CNTNAP3B: variants seen among roughly 807,000 people sequenced by gnomAD.
CNTNAP3B encodes the protein contactin associated protein family member 3B.
A neutral mutation model predicts 108.9 loss-of-function variants in CNTNAP3B; 25 were observed. The ratio of observed to expected loss-of-function variants is 0.23; its 90% CI spans 0.17 to 0.32. The LOEUF (loss-of-function observed/expected upper bound fraction) is 0.32, where lower values mean the gene tolerates loss of function less well. Among genes scored for constraint, CNTNAP3B ranks in the 10% least tolerant of loss-of-function variants. The pLI is 1.00. For missense variants in CNTNAP3B, 252 were observed against 1,210.4 expected, an observed-to-expected ratio of 0.21 and a Z score of 11.75; for synonymous variants, 103 against 473.4, an observed-to-expected ratio of 0.22 and a Z score of 10.16.
At position 42,095,257 on chromosome 9, in the gene CNTNAP3B, G is replaced by A. The variant is rs1827876936; in HGVS notation, c.196+9372C>T. On this transcript the variant is annotated intron_variant, in intron 2 of 23. Transcript: ENST00000377561. ...CTGTCTTTAAATTCCACATGTAAGT[G>A]AGACTATATGGTATTTGTCTCTCTG... 1.5e-5 allele frequency among the ~76,000 whole-genome samples: 2 copies of A among 137,012 alleles called. 1 individual carries two copies. Among genetic ancestry groups the A allele is most frequent in the Admixed American group, 1.4e-4 (2 of 13,816 alleles). 89.9% of individuals were successfully genotyped at this position (137,012 alleles called of 152,430 possible).
chr9:42,109,605 A>G (rs1459575024), intron 1 of CNTNAP3B, among the ~76,000 whole-genome samples: 2 of 144,646 alleles, frequency 1.4e-5, no homozygotes, highest in Non-Finnish European at 3.0e-5. Flanking sequence ...CTCCGAATTC[A>G]TTACAGTATT....
chr9:42,075,643 T>A (rs1330878420), intron 3 of CNTNAP3B, among the ~76,000 whole-genome samples: 1 of 126,150 alleles, frequency 7.9e-6, no homozygotes, highest in Non-Finnish European at 1.7e-5. Context: ...TGACGGTACC[T>A]CTGTCATTGA....
intron 12 of CNTNAP3B, among the ~76,000 whole-genome samples, chr9:41,957,644 C>T (rs1324100646): frequency 3.3e-5 from 5 of 151,334 alleles, no homozygotes; most frequent in African/African-American, 1.2e-4. Context: ...GTCTTGCATG[C>T]TATCTACTTT....
intron 3 of CNTNAP3B, among the ~76,000 whole-genome samples, chr9:42,071,472 G>A (rs1210090197): frequency 2.2e-5 from 3 of 134,478 alleles, no homozygotes. Context: ...CAGAGAATAC[G>A]GTCAAAGTTG....
intron 3 of CNTNAP3B, among the ~76,000 whole-genome samples, chr9:42,042,896 C>A (rs911092808): frequency 7.0e-6 from 1 of 143,118 alleles, no homozygotes; most frequent in African/African-American, 2.7e-5. Flanking sequence ...GCCACAGAAA[C>A]TAATTTCTGA....
At chr9:41,995,631 T>C (rs1431797745) in intron 7 of CNTNAP3B, among the ~76,000 whole-genome samples, 1 of 123,620 alleles carries the variant, frequency 8.1e-6, no homozygotes, top group Non-Finnish European at 1.7e-5. Flanking sequence ...CTCGGGAGGC[T>C]GAGGCGGGAG....
intron 11 of CNTNAP3B, among the ~76,000 whole-genome samples, chr9:41,962,757 C>A (rs1211505476): frequency 3.3e-5 from 5 of 151,828 alleles, no homozygotes; most frequent in Admixed American, 2.0e-4. Context: ...AGATCGAGAC[C>A]ATCCCGGCTA....
intron 10 of CNTNAP3B, among the ~76,000 whole-genome samples, chr9:41,969,678 C>T (rs1317538728): frequency 3.3e-5 from 5 of 151,750 alleles, no homozygotes; most frequent in East Asian, 1.9e-4. Flanking sequence ...AGTGCAGTGG[C>T]GCGATCTCTG....
intron 1 of CNTNAP3B, among the ~76,000 whole-genome samples, chr9:42,127,876 G>T (rs1232016944): frequency 7.2e-6 from 1 of 138,990 alleles, no homozygotes; most frequent in Admixed American, 7.1e-5. Context: ...ACTGAGCTAC[G>T]GCAAACTTTT....
At chr9:41,930,752 G>T (rs1236422448) in intron 14 of CNTNAP3B, among the ~76,000 whole-genome samples, 1 of 152,278 alleles carries the variant, frequency 6.6e-6, no homozygotes, top group Admixed American at 6.5e-5. Context: ...AAGAGACCTG[G>T]AGGATCCCCT....
At chr9:41,961,844 T>C (rs1163088377) in intron 11 of CNTNAP3B, among the ~76,000 whole-genome samples, 1 of 152,306 alleles carries the variant, frequency 6.6e-6, no homozygotes, top group Non-Finnish European at 1.5e-5. Flanking sequence ...AGTAAATGTT[T>C]TACCAAGTAC....
At chr9:41,918,114 A>T (rs982686768) in intron 18 of CNTNAP3B, among the ~76,000 whole-genome samples, 6 of 151,908 alleles carry the variant, frequency 3.9e-5, no homozygotes, top group African/African-American at 1.5e-4. Flanking sequence ...TTATGTGGCC[A>T]GCCTGGAAAT....
rs942197557 is a variant in CNTNAP3B, at chr9:42,119,446, C to G, written c.85+9564G>C. ...TTCAATGCCATCCCCATCAAGCTACCAATGACTTTCTTCACAGAATTGGAA... is the reference window on the plus strand; with the variant it reads ...TTCAATGCCATCCCCATCAAGCTACGAATGACTTTCTTCACAGAATTGGAA... On this transcript the variant is annotated intron_variant, in intron 1 of 23. Coordinates refer to ENST00000377561, the MANE Select transcript of CNTNAP3B (RefSeq NM_001201380.3). Among the ~76,000 whole-genome samples, 33 of 131,028 alleles carry G rather than the reference C, an allele frequency of 2.5e-4. 10 individuals carry two copies. Among genetic ancestry groups the G allele is most frequent in the African/African-American group, 1.0e-3 (33 of 32,040 alleles). 86.0% of individuals were successfully genotyped at this position (131,028 alleles called of 152,430 possible).
At chr9:41,971,047 T>C (rs1242000791) in intron 9 of CNTNAP3B, among the ~76,000 whole-genome samples, 2 of 149,604 alleles carry the variant, frequency 1.3e-5, no homozygotes, top group Non-Finnish European at 3.0e-5. Flanking sequence ...TTCACTACAA[T>C]CGTCAGCTAA....
intron 2 of CNTNAP3B, among the ~76,000 whole-genome samples, chr9:42,078,967 A>G (rs1436805186): frequency 1.3e-5 from 2 of 150,922 alleles, no homozygotes; most frequent in Non-Finnish European, 2.9e-5. Context: ...AGGTCAGGCA[A>G]AGAGTTCCCT....
chr9:42,089,489 A>G lies in CNTNAP3B; in HGVS notation c.197-12427T>C, dbSNP rs553482465. On this transcript the variant is annotated intron_variant, in intron 2 of 23. Coordinates refer to ENST00000377561, the MANE Select transcript of CNTNAP3B (RefSeq NM_001201380.3). ...CAAACCATTTGTGGGTCATTTCCCC[A>G]ATGTAAGAATTTTGCTTTTATTTAT... Among the ~76,000 whole-genome samples, 25 of 142,438 alleles carry G rather than the reference A, an allele frequency of 1.8e-4. No homozygotes were observed. The South Asian group carries it at 5.2e-3, about 29-fold the overall frequency. The allele number at this position is 142,438 out of a possible 152,430, so 93.4% of individuals were successfully genotyped here.
chr9:41,919,123 C>T (rs1377333153), intron 18 of CNTNAP3B, among the ~76,000 whole-genome samples: 5 of 152,102 alleles, frequency 3.3e-5, no homozygotes, highest in Non-Finnish European at 4.4e-5. Flanking sequence ...TAAAATCAGT[C>T]CCTTTTTCCT....
Position 41,926,650 on chromosome 9 carries a change from T to A in CNTNAP3B, c.2366-2557A>T, listed in dbSNP as rs1344684267. On this transcript the variant is annotated intron_variant, in intron 15 of 23. Transcript: ENST00000377561. ...TTTAGTTTTTTTGTAAGAGACAAGG[T>A]CTTACCATCTTGTCCGGGCTTGTGT... 5 of 152,482 alleles carry A rather than the reference T, an allele frequency of 3.3e-5. No individual in the cohort carries two copies. The South Asian group carries it at 1.0e-3, about 32-fold the overall frequency. The allele number at this position is 152,482 out of a possible 1,614,324, so 9.4% of individuals were successfully genotyped here. A position where few individuals can be genotyped will look rare whatever the true frequency, so the allele number is the denominator to read the frequency against.
chr9:41,928,545 A>G (rs1335880333), intron 15 of CNTNAP3B, among the ~76,000 whole-genome samples: 1 of 152,228 alleles, frequency 6.6e-6, no homozygotes, highest in East Asian at 1.9e-4. Flanking sequence ...GGATGGAGAC[A>G]CCACACCATC....
Sources: allele counts gnomAD v4.1 joint callset (sites outside exome capture counted in the v4.1 genomes callset), GRCh38; gene constraint gnomAD v4.1.1; transcripts MANE v1.5; gene names NCBI Gene and HGNC (gene_info 2026-07-23, HGNC 2026-07-21).